Variants in ST3GAL3 observed in about 807,000 individuals in gnomAD.
ST3GAL3 encodes the protein CMP-N-acetylneuraminate-beta-1,4-galactoside alpha-2,3-sialyltransferase.
ST3GAL3 carries 21 observed loss-of-function variants against 50.1 expected under a neutral mutation model. The ratio of observed to expected loss-of-function variants is 0.42; its 90% CI spans 0.30 to 0.60. The LOEUF is 0.60. ST3GAL3 is among the 20% of genes least tolerant of loss of function. The probability of loss-of-function intolerance (pLI) is 0.19; values close to 1 mark genes in which losing one functional copy is unlikely to be tolerated. For synonymous variants in ST3GAL3, 183 were observed against 190.0 expected, an observed-to-expected ratio of 0.96 and a Z score of 0.30; for missense variants, 353 against 489.4, an observed-to-expected ratio of 0.72 and a Z score of 2.63.
At chr1:43,918,429 T>G (rs998903174) in intron 9 of ST3GAL3, among the ~76,000 whole-genome samples, 2 of 152,100 alleles carry the variant, frequency 1.3e-5, no homozygotes, top group Non-Finnish European at 2.9e-5. Context: ...AGATTTCCCT[T>G]TTTTTGTTTT....
intron 5 of ST3GAL3, among the ~76,000 whole-genome samples, chr1:43,847,719 GT>G (rs2066491750): frequency 1.3e-5 from 2 of 152,208 alleles, no homozygotes; most frequent in South Asian, 4.1e-4. Context: ...TTACACAACA[GT>G]GTGAAAATAA....
chr1:43,828,730 A>T (rs1336557322), intron 4 of ST3GAL3, among the ~76,000 whole-genome samples: 1 of 149,352 alleles, frequency 6.7e-6, no homozygotes, highest in South Asian at 2.1e-4. Flanking sequence ...TAGAATGACT[A>T]AAAAAAAACC....
chr1:43,833,937 C>T (rs2063898518), intron 4 of ST3GAL3, among the ~76,000 whole-genome samples: 1 of 152,146 alleles, frequency 6.6e-6, no homozygotes, highest in Non-Finnish European at 1.5e-5. Context: ...TCCTTTCCCC[C>T]TCCGCCTTCT....
chr1:43,898,512 A>G (rs1570941891), intron 7 of ST3GAL3: 1 of 635,786 alleles, frequency 1.6e-6, no homozygotes, highest in East Asian at 2.9e-5. Flanking sequence ...AGGACATCCC[A>G]GTCCTCAGAT....
intron 1 of ST3GAL3, among the ~76,000 whole-genome samples, chr1:43,720,240 A>G (rs7517769): frequency 0.013 from 2,019 of 152,306 alleles, 51 homozygotes; most frequent in African/African-American, 0.047. Context: ...TAAAGAAAAA[A>G]AGAATAAGTG....
At chr1:43,862,046 A>AG (rs1491507091) in intron 5 of ST3GAL3, among the ~76,000 whole-genome samples, 2 of 149,452 alleles carry the variant, frequency 1.3e-5, no homozygotes, top group African/African-American at 5.0e-5. Flanking sequence ...AAAAAAAAAA[A>AG]GAGAGACAAC....
At chr1:43,891,982 C>T (rs557221151) in intron 5 of ST3GAL3, among the ~76,000 whole-genome samples, 6 of 152,324 alleles carry the variant, frequency 3.9e-5, no homozygotes, top group Admixed American at 1.3e-4. Flanking sequence ...CTCGCTCTGT[C>T]GCCCAGGCTG....
chr1:43,805,977 G>A (rs1400202900), intron 3 of ST3GAL3, among the ~76,000 whole-genome samples: 6 of 152,000 alleles, frequency 3.9e-5, no homozygotes, highest in Non-Finnish European at 8.8e-5. Flanking sequence ...CTTGTGATCC[G>A]CCCACCTTGG....
At chr1:43,750,765 G>A (rs1354560905) in intron 2 of ST3GAL3, among the ~76,000 whole-genome samples, 4 of 151,872 alleles carry the variant, frequency 2.6e-5, no homozygotes, top group African/African-American at 9.7e-5. Flanking sequence ...CAGCGTGGTG[G>A]TGTGCACCTG....
At chr1:43,713,557 A>C (rs1665825208) in intron 1 of ST3GAL3, among the ~76,000 whole-genome samples, 1 of 120,260 alleles carries the variant, frequency 8.3e-6, no homozygotes, top group African/African-American at 3.2e-5. Flanking sequence ...AAAAGTACTC[A>C]CTCTATCACC....
At chr1:43,873,154 G>A (rs1408280395) in intron 5 of ST3GAL3, among the ~76,000 whole-genome samples, 1 of 152,178 alleles carries the variant, frequency 6.6e-6, no homozygotes, top group Non-Finnish European at 1.5e-5. Flanking sequence ...CTGTTGCAAG[G>A]CAGTCCGATT....
rs780249275 is a variant in ST3GAL3, at chr1:43,920,547, G to A, written c.888G>A (p.Arg296=). 4.3e-6 allele frequency: 7 copies of A among 1,614,074 alleles called. No homozygotes were observed. Among genetic ancestry groups the A allele is most frequent in the Non-Finnish European group, 5.9e-6 (7 of 1,179,908 alleles). ...GLPFNNGLMG[R]GNIPTLGSVA... is the part of the protein sequence containing the mutation. The stretch of plus-strand genomic sequence containing the variant: ...CCTTCAACAATGGCCTCATGGGCCG[G>A]GGGGTGAGATATCTGGGCCCTGGGA... The change falls in exon 10 of 12, where the codon CGG becomes CGA. Residue 296 remains arginine (R), a synonymous_variant. Coordinates refer to ENST00000347631, the MANE Select transcript of ST3GAL3 (RefSeq NM_006279.5).
At chr1:43,710,481 T>C (rs773202813) in intron 1 of ST3GAL3, among the ~76,000 whole-genome samples, 2 of 152,218 alleles carry the variant, frequency 1.3e-5, no homozygotes, top group Non-Finnish European at 2.9e-5. Context: ...ATTTTTTTCC[T>C]TCCATCCATC....
At chr1:43,827,669 AT>A (rs555176895) in intron 4 of ST3GAL3, among the ~76,000 whole-genome samples, 5 of 149,706 alleles carry the variant, frequency 3.3e-5, no homozygotes, top group Admixed American at 6.7e-5. Flanking sequence ...CACACAGCTA[AT>A]TTTTTTTTTA....
In ST3GAL3 at chr1:43,886,750, G is replaced by C. The variant is rs139151768; in HGVS notation, c.303-7633G>C. Reference sequence around the variant, plus strand: ...CTAGGAGATGAGGAAGTGGAGACAGGATATCCACTGCTCTTCCTAGAACTT... The same window carrying C: ...CTAGGAGATGAGGAAGTGGAGACAGCATATCCACTGCTCTTCCTAGAACTT... On this transcript the variant is annotated intron_variant, in intron 5 of 11. Coordinates refer to ENST00000347631, the MANE Select transcript of ST3GAL3 (RefSeq NM_006279.5). Among the ~76,000 whole-genome samples, 484 of 152,314 alleles carry C rather than the reference G, an allele frequency of 3.2e-3. 1 individual carries two copies. The highest frequency in any genetic ancestry group is 0.011 in the African/African-American group (461 of 41,564).
intron 2 of ST3GAL3, among the ~76,000 whole-genome samples, chr1:43,789,318 G>A (rs1380584618): frequency 6.6e-6 from 1 of 152,192 alleles, no homozygotes; most frequent in African/African-American, 2.4e-5. Flanking sequence ...TAACTTGGTG[G>A]TTCCTGGGGT....
At chr1:43,782,320 CCTCATTGT>C (rs1161508219) in intron 2 of ST3GAL3, among the ~76,000 whole-genome samples, 1 of 152,122 alleles carries the variant, frequency 6.6e-6, no homozygotes, top group Non-Finnish European at 1.5e-5. Context: ...CACGTGAGAC[CCTCATTGT>C]CTGTCACCTG....
chr1:43,905,239 C>T (rs1232666254), intron 9 of ST3GAL3, among the ~76,000 whole-genome samples: 2 of 133,410 alleles, frequency 1.5e-5, no homozygotes, highest in Admixed American at 1.5e-4. Flanking sequence ...CACTCTTCCT[C>T]CCCCTCCTCC....
At chr1:43,768,893 A>AT (rs753094421) in intron 2 of ST3GAL3, among the ~76,000 whole-genome samples, 4 of 152,152 alleles carry the variant, frequency 2.6e-5, no homozygotes, top group Non-Finnish European at 5.9e-5. Flanking sequence ...CTCCTTACTC[A>AT]TTTTTTTGAG....
Sources: allele counts gnomAD v4.1 joint callset (sites outside exome capture counted in the v4.1 genomes callset), GRCh38; gene constraint gnomAD v4.1.1; transcripts MANE v1.5; gene names NCBI Gene and HGNC (gene_info 2026-07-23, HGNC 2026-07-21).